GPATCH2: variants seen among roughly 807,000 people sequenced by gnomAD.
The protein encoded by GPATCH2 is G-patch domain containing 2, also known as G patch domain-containing protein 2.
GPATCH2 carries 51 observed loss-of-function variants against 58.0 expected under a neutral mutation model. The observed-to-expected ratio is 0.88, with a 90% CI of 0.70 to 1.11. The LOEUF (loss-of-function observed/expected upper bound fraction) is 1.11, where lower values mean the gene tolerates loss of function less well. GPATCH2 is among the 50% of genes most tolerant of loss of function. The pLI is 0.00. For synonymous variants in GPATCH2, 222 were observed against 218.5 expected (o/e 1.02, Z -0.14); for missense variants, 625 against 652.2 (o/e 0.96, Z 0.45).
chr1:217,567,989 C>A (rs564641669), intron 5 of GPATCH2, among the ~76,000 whole-genome samples: 1 of 152,022 alleles, frequency 6.6e-6, no homozygotes, highest in Non-Finnish European at 1.5e-5. Flanking sequence ...CGGTGGCGGG[C>A]GCCTGCAGTC....
intron 9 of GPATCH2, among the ~76,000 whole-genome samples, chr1:217,438,831 G>C (rs1652717455): frequency 6.6e-6 from 1 of 152,120 alleles, no homozygotes; most frequent in Admixed American, 6.5e-5. Context: ...AACCTAGTAA[G>C]ACAGGCCAAC....
chr1:217,598,480 G>A (rs561162006), intron 5 of GPATCH2, among the ~76,000 whole-genome samples: 151 of 151,526 alleles, frequency 1.0e-3, no homozygotes, highest in African/African-American at 3.6e-3. Context: ...ACAGAGTCTC[G>A]CTCTGTTGCC....
chr1:217,462,750 T>A (rs1660253189), intron 8 of GPATCH2, among the ~76,000 whole-genome samples: 1 of 152,188 alleles, frequency 6.6e-6, no homozygotes, highest in Non-Finnish European at 1.5e-5. Flanking sequence ...ATATTTTAAA[T>A]TATCTGTTTT....
chr1:217,447,564 G>T lies in GPATCH2; in HGVS notation c.1366+1685C>A, dbSNP rs139541347. ...ATAAAGATAAAATAATAAAGTTTCT[G>T]GTACACAGTAGGTACTCAACAAGTG... On this transcript the variant is annotated intron_variant, in intron 9 of 9. Transcript: ENST00000366935. 1.5e-4 allele frequency among the ~76,000 whole-genome samples: 23 copies of T among 152,118 alleles called. No individual in the cohort carries two copies. In the East Asian group the frequency reaches 4.4e-3, roughly 29 times the overall value.
intron 5 of GPATCH2, among the ~76,000 whole-genome samples, chr1:217,582,267 T>C (rs1667115295): frequency 6.6e-6 from 1 of 152,166 alleles, no homozygotes; most frequent in African/African-American, 2.4e-5. Flanking sequence ...GTACAATCCT[T>C]GTTGCTCTTT....
chr1:217,589,072 G>A lies in GPATCH2; in HGVS notation c.1098+21249C>T, dbSNP rs367671343. 7.2e-5 allele frequency among the ~76,000 whole-genome samples: 11 copies of A among 152,212 alleles called. No individual in the cohort carries two copies. In the East Asian group the frequency reaches 1.7e-3, roughly 24 times the overall value. ...AAGAGGTGAAAAGTGAGCCTTCCAG[G>A]TGGGGCCGATCATTTCAACATCTAA... On this transcript the variant is annotated intron_variant, in intron 5 of 9. Transcript: ENST00000366935.
chr1:217,586,365 CTTTTT>C (rs34196545), intron 5 of GPATCH2, among the ~76,000 whole-genome samples: 1 of 149,102 alleles, frequency 6.7e-6, no homozygotes, highest in African/African-American at 2.5e-5. Flanking sequence ...TATTTTATAC[CTTTTT>C]TTTTTAACTT....
At chr1:217,550,374 G>A (rs1665287919) in intron 5 of GPATCH2, among the ~76,000 whole-genome samples, 1 of 151,970 alleles carries the variant, frequency 6.6e-6, no homozygotes, top group Non-Finnish European at 1.5e-5. Context: ...GCTGAGTACT[G>A]ATTTGAACTT....
chr1:217,430,879 A>G lies in GPATCH2; in HGVS notation c.*266T>C. ...AGTATTGACACATGAGACTAAAATA[A>G]ATAAGAGAAACGAGCTGCTCTTTAT... is the stretch of plus-strand genomic sequence containing the variant. On this transcript the variant is annotated 3_prime_UTR_variant, in exon 10 of 10. Coordinates refer to ENST00000366935, the MANE Select transcript of GPATCH2 (RefSeq NM_018040.5). 2.0e-6 allele frequency: 1 copy of G among 491,540 alleles called. No homozygotes were observed. Among genetic ancestry groups the G allele is most frequent in the Non-Finnish European group, 3.6e-6 (1 of 275,048 alleles). 30.4% of individuals were successfully genotyped at this position (491,540 alleles called of 1,614,324 possible). A position where few individuals can be genotyped will look rare whatever the true frequency, so the allele number is the denominator to read the frequency against.
chr1:217,627,211 T>G (rs547294756), intron 1 of GPATCH2, among the ~76,000 whole-genome samples: 1 of 152,174 alleles, frequency 6.6e-6, no homozygotes, highest in South Asian at 2.1e-4. Flanking sequence ...ATTTCATGTT[T>G]CAACGACCTC....
intron 8 of GPATCH2, among the ~76,000 whole-genome samples, chr1:217,471,131 G>T: frequency 6.6e-6 from 1 of 151,826 alleles, no homozygotes; most frequent in South Asian, 2.1e-4. Flanking sequence ...ATAAAATGTC[G>T]AGTGATAGAA....
chr1:217,474,095 A>T (rs1016296336), intron 8 of GPATCH2, among the ~76,000 whole-genome samples: 1 of 152,226 alleles, frequency 6.6e-6, no homozygotes, highest in African/African-American at 2.4e-5. Flanking sequence ...TAATATTCAG[A>T]ATATGATGAA....
intron 5 of GPATCH2, among the ~76,000 whole-genome samples, chr1:217,545,157 T>A (rs1201661069): frequency 6.6e-6 from 1 of 152,202 alleles, no homozygotes; most frequent in Non-Finnish European, 1.5e-5. Flanking sequence ...GGAAGAACGG[T>A]CAATATATGC....
chr1:217,527,410 C>T (rs1474246025), intron 5 of GPATCH2, among the ~76,000 whole-genome samples: 1 of 151,838 alleles, frequency 6.6e-6, no homozygotes, highest in Non-Finnish European at 1.5e-5. Flanking sequence ...AAGTGACTGA[C>T]TCAGTTGGCA....
At chr1:217,466,351 A>G (rs1328925072) in intron 8 of GPATCH2, among the ~76,000 whole-genome samples, 1 of 151,804 alleles carries the variant, frequency 6.6e-6, no homozygotes, top group African/African-American at 2.4e-5. Context: ...TACACACAGT[A>G]TAACTACCTA....
Position 217,430,955 on chromosome 1 carries a change from C to T in GPATCH2, c.*190G>A, listed in dbSNP as rs1658505289. 1.7e-6 allele frequency: 1 copy of T among 592,784 alleles called. No homozygotes were observed. The highest frequency in any genetic ancestry group is 3.1e-5 in the Admixed American group (1 of 32,688). The allele number at this position is 592,784 out of a possible 1,614,324, so 36.7% of individuals were successfully genotyped here. ...AAAAAAATTAAAGTGCAGAGGTTTT[C>T]ATTTTAGCACCATGAATTGTGATGA... On this transcript the variant is annotated 3_prime_UTR_variant, in exon 10 of 10. Transcript: ENST00000366935.
intron 7 of GPATCH2, among the ~76,000 whole-genome samples, chr1:217,494,798 A>G (rs1661928279): frequency 6.6e-6 from 1 of 152,094 alleles, no homozygotes; most frequent in Admixed American, 6.5e-5. Flanking sequence ...TTATGAATTC[A>G]AAACAAACAA....
At chr1:217,490,209 C>G (rs1317407936) in intron 8 of GPATCH2, among the ~76,000 whole-genome samples, 1 of 152,196 alleles carries the variant, frequency 6.6e-6, no homozygotes, top group Admixed American at 6.5e-5. Context: ...GCACTGTCTT[C>G]TGGCCTTACC....
chr1:217,508,330 A>C (rs1662662853), intron 6 of GPATCH2, among the ~76,000 whole-genome samples: 1 of 152,180 alleles, frequency 6.6e-6, no homozygotes, highest in Non-Finnish European at 1.5e-5. Flanking sequence ...CTCGATATTT[A>C]CACAAAAGAT....
Sources: gnomAD v4.1 joint callset for allele counts (sites outside exome capture counted in the v4.1 genomes callset) on GRCh38, gnomAD v4.1.1 for gene constraint, MANE v1.5 for transcripts, NCBI Gene and HGNC (gene_info 2026-07-23, HGNC 2026-07-21) for gene names.